The following MAD1L1 variants were observed in gnomAD, a reference collection of about 807,000 sequenced individuals.
MAD1L1 encodes mitotic spindle assembly checkpoint protein MAD1.
In MAD1L1, 95 loss-of-function variants were observed where a neutral mutation model predicts 96.9. The observed-to-expected ratio is 0.98, with a 90% CI of 0.83 to 1.16. The LOEUF (loss-of-function observed/expected upper bound fraction) is 1.16. MAD1L1 is among the 50% of genes most tolerant of loss of function. The pLI, the probability that MAD1L1 is intolerant of heterozygous loss-of-function variation, is 0.00. For synonymous variants in MAD1L1, 473 were observed against 396.6 expected (o/e 1.19, Z -2.29); for missense variants, 1,007 against 954.4 (o/e 1.06, Z -0.73).
chr7:1,819,766 CTCTCCACACACCACTT>C (rs960041381), intron 18 of MAD1L1, among the ~76,000 whole-genome samples: 28 of 152,188 alleles, frequency 1.8e-4, no homozygotes, highest in South Asian at 4.2e-4. Flanking sequence ...ACCACCAACT[CTCTCCACACACCACTT>C]TCTCCACACA....
chr7:1,932,595 G>A (rs1313442056), intron 17 of MAD1L1, among the ~76,000 whole-genome samples: 1 of 152,236 alleles, frequency 6.6e-6, no homozygotes, highest in South Asian at 2.1e-4. Context: ...CGGATCCTTT[G>A]ACAAGTGACC....
chr7:2,232,504 G>A (rs949911796), intron 1 of MAD1L1, among the ~76,000 whole-genome samples: 1 of 152,192 alleles, frequency 6.6e-6, no homozygotes, highest in African/African-American at 2.4e-5. Context: ...TCGGCGCGCC[G>A]GCACCCTAGC....
intron 10 of MAD1L1, among the ~76,000 whole-genome samples, chr7:2,205,599 T>G (rs1391174254): frequency 1.3e-5 from 2 of 152,142 alleles, no homozygotes; most frequent in East Asian, 1.9e-4. Flanking sequence ...CCTCGCCTCC[T>G]AATTCTCAGG....
At chr7:2,203,925 C>T (rs1048099645) in intron 10 of MAD1L1, among the ~76,000 whole-genome samples, 1 of 152,206 alleles carries the variant, frequency 6.6e-6, no homozygotes, top group Non-Finnish European at 1.5e-5. Flanking sequence ...CACAAGGTGA[C>T]GATGGCTAGG....
chr7:1,908,047 G>A (rs919553196), intron 17 of MAD1L1, among the ~76,000 whole-genome samples: 4 of 152,184 alleles, frequency 2.6e-5, no homozygotes, highest in Non-Finnish European at 5.9e-5. Context: ...AGCAGACATG[G>A]GTGACCAGAC....
At chr7:1,928,799 A>T (rs1391154769) in intron 17 of MAD1L1, among the ~76,000 whole-genome samples, 1 of 152,100 alleles carries the variant, frequency 6.6e-6, no homozygotes, top group Non-Finnish European at 1.5e-5. Flanking sequence ...CTGGGCACTG[A>T]TTTCTGGCCG....
At chr7:2,046,367 G>A (rs948342700) in intron 12 of MAD1L1, among the ~76,000 whole-genome samples, 93 of 152,284 alleles carry the variant, frequency 6.1e-4, no homozygotes, top group African/African-American at 2.0e-3. Flanking sequence ...AGCGAGCTAG[G>A]AAACCCATGT....
At chr7:2,028,174 C>T (rs1380069425) in intron 12 of MAD1L1, among the ~76,000 whole-genome samples, 1 of 152,106 alleles carries the variant, frequency 6.6e-6, no homozygotes, top group East Asian at 1.9e-4. Context: ...GCCTGTAATC[C>T]CAGCACTTTG....
intron 12 of MAD1L1, among the ~76,000 whole-genome samples, chr7:2,047,896 GCA>G (rs1273890814): frequency 3.3e-5 from 5 of 152,046 alleles, no homozygotes; most frequent in Admixed American, 1.3e-4. Flanking sequence ...ACAGATACAT[GCA>G]CACTCATGCT....
At chr7:1,941,121 T>C (rs1031705716) in intron 16 of MAD1L1, among the ~76,000 whole-genome samples, 2 of 151,886 alleles carry the variant, frequency 1.3e-5, no homozygotes, top group Non-Finnish European at 2.9e-5. Flanking sequence ...AGCATCCTCC[T>C]ACTTAGCAGA....
intron 10 of MAD1L1, among the ~76,000 whole-genome samples, chr7:2,194,796 G>T (rs1008659736): frequency 6.6e-6 from 1 of 152,118 alleles, no homozygotes; most frequent in African/African-American, 2.4e-5. Context: ...TCTTTGGGCT[G>T]GACGCAGTGG....
At chr7:2,060,231 A>C (rs1195073001) in intron 12 of MAD1L1, among the ~76,000 whole-genome samples, 1 of 120,074 alleles carries the variant, frequency 8.3e-6, no homozygotes, top group Non-Finnish European at 1.6e-5. Context: ...CGATGCCGAG[A>C]TACGCCGATG....
chr7:1,992,157 A>C, intron 14 of MAD1L1, among the ~76,000 whole-genome samples: 1 of 148,256 alleles, frequency 6.7e-6, no homozygotes, highest in Non-Finnish European at 1.5e-5. Flanking sequence ...GCCCCACCAG[A>C]GCGCCACTGC....
chr7:2,009,238 T>C (rs1182960628), intron 13 of MAD1L1, among the ~76,000 whole-genome samples: 1 of 152,196 alleles, frequency 6.6e-6, no homozygotes, highest in Non-Finnish European at 1.5e-5. Flanking sequence ...GAGAAGTTGC[T>C]GCCTGTGATC....
chr7:2,094,479 A>G (rs1397911751), intron 11 of MAD1L1, among the ~76,000 whole-genome samples: 1 of 152,218 alleles, frequency 6.6e-6, no homozygotes, highest in African/African-American at 2.4e-5. Context: ...GCTTGACGGG[A>G]AAAAGTGACA....
At chr7:2,161,159 C>G (rs534184280) in intron 10 of MAD1L1, among the ~76,000 whole-genome samples, 4 of 139,976 alleles carry the variant, frequency 2.9e-5, no homozygotes, top group African/African-American at 7.7e-5. Flanking sequence ...GATGCCGAGC[C>G]GAGGCTGGAC....
At chr7:1,849,079 C>T (rs1441276120) in intron 18 of MAD1L1, 1 of 154,588 alleles carries the variant, frequency 6.5e-6, no homozygotes, top group African/African-American at 2.4e-5. Context: ...CACACAAATG[C>T]ACATGCACGG....
intron 11 of MAD1L1, among the ~76,000 whole-genome samples, chr7:2,120,115 C>T (rs969382830): frequency 2.0e-5 from 3 of 152,222 alleles, no homozygotes; most frequent in Non-Finnish European, 2.9e-5. Context: ...GTCCCACGCC[C>T]CACACTGGGT....
intron 11 of MAD1L1, among the ~76,000 whole-genome samples, chr7:2,097,255 C>A (rs1176662104): frequency 6.6e-6 from 1 of 152,142 alleles, no homozygotes; most frequent in Admixed American, 6.5e-5. Context: ...CACGCGCTCA[C>A]CCCACTCAGG....
Sources: allele counts gnomAD v4.1 joint callset (sites outside exome capture counted in the v4.1 genomes callset), GRCh38; gene constraint gnomAD v4.1.1; transcripts MANE v1.5; gene names NCBI Gene and HGNC (gene_info 2026-07-23, HGNC 2026-07-21).